KTN1: variants seen among roughly 807,000 people sequenced by gnomAD.
KTN1 encodes kinectin.
Under a neutral mutation model 222.5 loss-of-function variants are expected in KTN1, and 130 were observed. The observed-to-expected ratio is 0.58, with a 90% CI of 0.51 to 0.68. KTN1 has a LOEUF of 0.68. KTN1 is among the 30% of genes least tolerant of loss of function. KTN1 has a pLI of 0.00. For synonymous variants in KTN1, 512 were observed against 496.3 expected, an observed-to-expected ratio of 1.03 and a Z score of -0.42; for missense variants, 1,508 against 1,500.4, an observed-to-expected ratio of 1.01 and a Z score of -0.08.
intron 30 of KTN1, 107 bp downstream of exon 30, chr14:55,658,721 T>A: frequency 1.5e-6 from 1 of 676,284 alleles, no homozygotes; most frequent in Non-Finnish European, 2.6e-6. Context: ...GAGAATGAAG[T>A]ATGTTTTATT....
At chr14:55,587,752 T>C (rs114958077) in intron 1 of KTN1, among the ~76,000 whole-genome samples, 3,204 of 152,316 alleles carry the variant, frequency 0.021, 122 homozygotes, top group African/African-American at 0.073. Flanking sequence ...AGTGCTCTTA[T>C]TTCTGGGTAC....
chr14:55,673,991 A>G (rs978109303), intron 40 of KTN1: 1 of 152,020 alleles, frequency 6.6e-6, no homozygotes, highest in African/African-American at 2.4e-5. Flanking sequence ...GTTACAGCAC[A>G]GGGATTAGAT....
intron 5 of KTN1, among the ~76,000 whole-genome samples, chr14:55,625,316 TTTAA>T (rs1275898892): frequency 6.6e-6 from 1 of 152,208 alleles, no homozygotes; most frequent in Non-Finnish European, 1.5e-5. Flanking sequence ...TAAGAAAATG[TTTAA>T]TTATTAATTT....
intron 1 of KTN1, among the ~76,000 whole-genome samples, chr14:55,609,697 T>C (rs2037260387): frequency 1.3e-5 from 2 of 152,194 alleles, no homozygotes; most frequent in Admixed American, 1.3e-4. Context: ...GGGCTGCAGC[T>C]TATTCATTAG....
At chr14:55,632,543 G>A (rs943928949) in intron 7 of KTN1, among the ~76,000 whole-genome samples, 2 of 151,702 alleles carry the variant, frequency 1.3e-5, no homozygotes, top group Non-Finnish European at 2.9e-5. Context: ...GGAGAGGAAT[G>A]GGAGTTATTC....
At chr14:55,605,574 A>T (rs1566690376) in intron 1 of KTN1, among the ~76,000 whole-genome samples, 1 of 152,124 alleles carries the variant, frequency 6.6e-6, no homozygotes, top group Non-Finnish European at 1.5e-5. Context: ...AGATCATGCA[A>T]GTAGTTTGGG....
At chr14:55,644,655 A>G (rs1160536643) in intron 18 of KTN1, among the ~76,000 whole-genome samples, 1 of 150,202 alleles carries the variant, frequency 6.7e-6, no homozygotes, top group East Asian at 2.0e-4. Flanking sequence ...TTTAAGATTC[A>G]GTGATCAAGA....
chr14:55,669,440 T>C lies in KTN1; in HGVS notation c.3268-1289T>C, dbSNP rs142969971. ...TCTGGCATTTTAGGTTTGTAAAGATTTGAAGGACAATAAACTATTTATGTT... is the reference window on the plus strand; with the variant it reads ...TCTGGCATTTTAGGTTTGTAAAGATCTGAAGGACAATAAACTATTTATGTT... On this transcript the variant is annotated intron_variant, in intron 34 of 43. Transcript: ENST00000395314. Among the ~76,000 whole-genome samples the C allele has an allele frequency of 1.2e-4, 18 of 152,162 alleles. No homozygotes were observed. The East Asian group carries it at 2.9e-3, about 24-fold the overall frequency.
At position 55,656,258 on chromosome 14, in the gene KTN1, G is replaced by A; in HGVS notation, c.2892+126G>A. The A allele has an allele frequency of 4.8e-6, 3 of 628,192 alleles. No individual in the cohort carries two copies. In the South Asian group the frequency reaches 6.6e-5, roughly 14 times the overall value. The allele number at this position is 628,192 out of a possible 1,614,324, so 38.9% of individuals were successfully genotyped here. ...TCTCCCTCCCACCCAGATACTAGGTGTCATTATTGGCATGTTTTTTGAGTA... is the reference window on the plus strand; with the variant it reads ...TCTCCCTCCCACCCAGATACTAGGTATCATTATTGGCATGTTTTTTGAGTA... On this transcript the variant is annotated intron_variant, in intron 29 of 43. Transcript: ENST00000395314.
intron 24 of KTN1, 82 bp downstream of exon 24, chr14:55,650,719 G>T: frequency 9.4e-7 from 1 of 1,062,924 alleles, no homozygotes; most frequent in South Asian, 1.4e-5. Context: ...TTGTTACTCA[G>T]AAAAAACTTA....
At chr14:55,638,338 A>G (rs2041380250) in intron 12 of KTN1, among the ~76,000 whole-genome samples, 1 of 151,966 alleles carries the variant, frequency 6.6e-6, no homozygotes, top group South Asian at 2.1e-4. Context: ...AAGACCTGTT[A>G]TTCTTTGATG....
intron 33 of KTN1, among the ~76,000 whole-genome samples, 178 bp downstream of exon 33, chr14:55,664,219 C>T (rs2044456106): frequency 6.6e-6 from 1 of 152,086 alleles, no homozygotes; most frequent in Admixed American, 6.5e-5. Context: ...TAATTTTGGG[C>T]ATGCTGATTT....
At chr14:55,631,155 G>A (rs1169405174) in intron 7 of KTN1, among the ~76,000 whole-genome samples, 1 of 151,564 alleles carries the variant, frequency 6.6e-6, no homozygotes, top group Non-Finnish European at 1.5e-5. Flanking sequence ...CTGCTAAAGA[G>A]GTTATTGAAG....
chr14:55,609,036 T>C (rs2037162544), intron 1 of KTN1, among the ~76,000 whole-genome samples: 2 of 148,784 alleles, frequency 1.3e-5, no homozygotes, highest in South Asian at 4.3e-4. Context: ...TTTTTATTCT[T>C]CTAAAAAAAA....
At chr14:55,653,701 T>C in intron 28 of KTN1, 105 bp downstream of exon 28, 1 of 782,552 alleles carries the variant, frequency 1.3e-6, no homozygotes, top group Non-Finnish European at 2.1e-6. Flanking sequence ...ATTAACTTTA[T>C]TGTTAAGTGG....
In KTN1 at chr14:55,639,752, A is replaced by G. The variant is rs1399861441; in HGVS notation, c.1824-161A>G. On this transcript the variant is annotated intron_variant, in intron 13 of 43. Transcript: ENST00000395314. ...AGGGTTATGTATTTTAAGGAGTTAT[A>G]GTAATGTGTGTGACAGTTGTTAGTA... 2.0e-5 allele frequency among the ~76,000 whole-genome samples: 3 copies of G among 151,956 alleles called. No individual in the cohort carries two copies. The East Asian group carries it at 5.8e-4, about 29-fold the overall frequency.
intron 43 of KTN1, chr14:55,679,916 A>G (rs1005798006): frequency 5.4e-5 from 26 of 482,284 alleles, no homozygotes; most frequent in Admixed American, 8.4e-5. Flanking sequence ...CTTTGTATCA[A>G]ACAGACTCTC....
At position 55,651,899 on chromosome 14, in the gene KTN1, A is replaced by G. The variant is rs749901381; in HGVS notation, c.2575A>G (p.Thr859Ala). Reference protein sequence around the residue: ...QLEKAQQLSITSKVQELQNLL... With the variant: ...QLEKAQQLSIASKVQELQNLL... ...GTCCTTTGTATTTCAGTTATCTATC[A>G]CTTCCAAAGTTCAGGAGCTTCAGAA... The change falls in exon 25 of 44, where the codon ACT becomes GCT. Residue 859 changes from threonine (T) to alanine (A), a missense_variant. Thr to Ala is a moderately conservative substitution (Grantham distance 58, BLOSUM62 0). Transcript: ENST00000395314. 1 of 1,569,072 alleles carries G rather than the reference A, an allele frequency of 6.4e-7. No individual in the cohort carries two copies.
intron 35 of KTN1, among the ~76,000 whole-genome samples, 156 bp downstream of exon 35, chr14:55,670,965 G>A (rs1446823587): frequency 5.3e-5 from 8 of 152,086 alleles, no homozygotes; most frequent in Non-Finnish European, 1.2e-4. Flanking sequence ...AATTTTAGTT[G>A]AAATACAGTA....
Sources: allele counts gnomAD v4.1 joint callset (sites outside exome capture counted in the v4.1 genomes callset), GRCh38; gene constraint gnomAD v4.1.1; transcripts MANE v1.5; gene names NCBI Gene and HGNC (gene_info 2026-07-23, HGNC 2026-07-21).